PAPSS2: variants seen among roughly 807,000 people sequenced by gnomAD.
PAPSS2 encodes the protein bifunctional 3'-phosphoadenosine 5'-phosphosulfate synthase 2.
In PAPSS2, 61 loss-of-function variants were observed where a neutral mutation model predicts 66.5. The ratio of observed to expected loss-of-function variants is 0.92; its 90% CI spans 0.75 to 1.14. The LOEUF (loss-of-function observed/expected upper bound fraction) is 1.14, where lower values mean the gene tolerates loss of function less well. PAPSS2 is among the 50% of genes most tolerant of loss of function. The pLI is 0.00. For missense variants in PAPSS2, 708 were observed against 789.6 expected, an observed-to-expected ratio of 0.90 and a Z score of 1.24; for synonymous variants, 289 against 287.5, an observed-to-expected ratio of 1.01 and a Z score of -0.05.
Position 87,709,321 on chromosome 10 carries a change from A to T in PAPSS2, c.145+8A>T. ...GTACCGTGTGGCTAACAGGTATGTCATGTTCATATATATATATATATATAC... is the reference window on the plus strand; with the variant it reads ...GTACCGTGTGGCTAACAGGTATGTCTTGTTCATATATATATATATATATAC... On this transcript the variant is annotated splice_region_variant and intron_variant, in intron 2 of 12. Transcript: ENST00000456849. 7.1e-7 allele frequency: 1 copy of T among 1,400,294 alleles called. No individual in the cohort carries two copies. Among genetic ancestry groups the T allele is most frequent in the Non-Finnish European group, 9.9e-7 (1 of 1,011,638 alleles). 86.7% of individuals were successfully genotyped at this position (1,400,294 alleles called of 1,614,324 possible).
chr10:87,683,680 T>C (rs993559315), intron 1 of PAPSS2, among the ~76,000 whole-genome samples: 1 of 146,090 alleles, frequency 6.8e-6, no homozygotes, highest in African/African-American at 2.6e-5. Flanking sequence ...CTTCCACTTA[T>C]TGAGATAAAA....
chr10:87,688,771 T>A (rs1441895119), intron 1 of PAPSS2, among the ~76,000 whole-genome samples: 2 of 152,054 alleles, frequency 1.3e-5, no homozygotes. Flanking sequence ...TATGGAAATT[T>A]CTAAGAAACA....
chr10:87,664,103 G>T (rs1040842067), intron 1 of PAPSS2, among the ~76,000 whole-genome samples: 2 of 152,064 alleles, frequency 1.3e-5, no homozygotes, highest in African/African-American at 4.8e-5. Context: ...TGTTGTTTTG[G>T]TAGAGATGAG....
intron 1 of PAPSS2, among the ~76,000 whole-genome samples, chr10:87,676,370 A>G (rs1564709441): frequency 1.3e-5 from 2 of 152,202 alleles, no homozygotes; most frequent in East Asian, 1.9e-4. Context: ...TTTGATAGAC[A>G]TGAGTATTAG....
chr10:87,665,750 A>C (rs4244979), intron 1 of PAPSS2, among the ~76,000 whole-genome samples: 80,778 of 151,738 alleles, frequency 0.53, 21,664 homozygotes, highest in East Asian at 0.77. Flanking sequence ...ACCTTTTTTT[A>C]TTTTCACTTG....
At chr10:87,706,263 A>T (rs1356332592) in intron 1 of PAPSS2, among the ~76,000 whole-genome samples, 1 of 150,694 alleles carries the variant, frequency 6.6e-6, no homozygotes, top group African/African-American at 2.5e-5. Flanking sequence ...AGTGCTTCAG[A>T]TTGCCACTGG....
chr10:87,726,323 C>G (rs952935922), intron 8 of PAPSS2, among the ~76,000 whole-genome samples: 3 of 152,008 alleles, frequency 2.0e-5, no homozygotes, highest in African/African-American at 7.2e-5. Flanking sequence ...CCAGCTACTC[C>G]GGAGGCTGAG....
chr10:87,685,435 A>G (rs1535368), intron 1 of PAPSS2, among the ~76,000 whole-genome samples: 10,601 of 152,244 alleles, frequency 0.07, 655 homozygotes, highest in East Asian at 0.33. Context: ...CATGCCTGCA[A>G]TCCTGGCACT....
At chr10:87,699,297 TA>T (rs1051026435) in intron 1 of PAPSS2, among the ~76,000 whole-genome samples, 3 of 152,212 alleles carry the variant, frequency 2.0e-5, no homozygotes, top group African/African-American at 7.2e-5. Flanking sequence ...TTAACATATA[TA>T]TTTTTTTGCA....
At chr10:87,718,177 A>C (rs1317720892) in intron 7 of PAPSS2, among the ~76,000 whole-genome samples, 4 of 151,872 alleles carry the variant, frequency 2.6e-5, no homozygotes, top group Non-Finnish European at 5.9e-5. Context: ...CTACAGGTGC[A>C]TGCCACCATG....
intron 1 of PAPSS2, among the ~76,000 whole-genome samples, chr10:87,689,883 A>T (rs950240303): frequency 1.3e-5 from 2 of 152,204 alleles, no homozygotes; most frequent in Admixed American, 6.5e-5. Context: ...AATTTAAACT[A>T]AAATCACATT....
chr10:87,711,075 C>T (rs545272946), intron 2 of PAPSS2, among the ~76,000 whole-genome samples: 1 of 152,186 alleles, frequency 6.6e-6, no homozygotes, highest in East Asian at 1.9e-4. Context: ...TCTTATGTTA[C>T]AAAGGTAGGC....
intron 1 of PAPSS2, among the ~76,000 whole-genome samples, chr10:87,700,006 T>C (rs960914885): frequency 6.6e-6 from 1 of 152,106 alleles, no homozygotes; most frequent in Non-Finnish European, 1.5e-5. Flanking sequence ...TTTTCCATGA[T>C]TTTCAGACTT....
intron 6 of PAPSS2, 70 bp downstream of exon 6, chr10:87,715,168 T>C: frequency 1.2e-6 from 1 of 832,030 alleles, no homozygotes; most frequent in Admixed American, 1.8e-5. Flanking sequence ...ACAATTACTC[T>C]TAACAATAAG....
intron 1 of PAPSS2, among the ~76,000 whole-genome samples, chr10:87,676,834 T>C (rs10218958): frequency 1 from 143,545 of 143,724 alleles, 71,684 homozygotes; most frequent in Middle Eastern, 1. Flanking sequence ...GATTGTGCCA[T>C]TGTACTCCAG....
chr10:87,734,042 A>G (rs1853762246), intron 9 of PAPSS2, among the ~76,000 whole-genome samples: 1 of 151,918 alleles, frequency 6.6e-6, no homozygotes, highest in Admixed American at 6.6e-5. Context: ...GGACATTTCA[A>G]TTCTTTCCTC....
intron 9 of PAPSS2, among the ~76,000 whole-genome samples, chr10:87,732,670 C>T (rs1269383031): frequency 6.6e-6 from 1 of 152,156 alleles, no homozygotes; most frequent in African/African-American, 2.4e-5. Context: ...ACAATATTCA[C>T]TTTATTGCAG....
chr10:87,709,492 A>G (rs1853439487), intron 2 of PAPSS2, among the ~76,000 whole-genome samples, 179 bp downstream of exon 2: 1 of 152,224 alleles, frequency 6.6e-6, no homozygotes, highest in Admixed American at 6.5e-5. Context: ...AATAGAGTCA[A>G]GGTCAACTAC....
At chr10:87,674,900 T>C (rs1331037377) in intron 1 of PAPSS2, among the ~76,000 whole-genome samples, 1 of 152,226 alleles carries the variant, frequency 6.6e-6, no homozygotes, top group African/African-American at 2.4e-5. Context: ...ATAGGGGTTT[T>C]TGACTCCAAA....
Sources: gnomAD v4.1 joint callset for allele counts (sites outside exome capture counted in the v4.1 genomes callset) on GRCh38, gnomAD v4.1.1 for gene constraint, MANE v1.5 for transcripts, NCBI Gene and HGNC (gene_info 2026-07-23, HGNC 2026-07-21) for gene names.